ADK: variants seen among roughly 807,000 people sequenced by gnomAD.
ADK encodes the protein N6,N6-dimethyladenosine kinase.
A neutral mutation model predicts 44.7 loss-of-function variants in ADK; 24 were observed. The observed-to-expected ratio is 0.54, with a 90% CI of 0.39 to 0.76. The LOEUF (loss-of-function observed/expected upper bound fraction) is 0.76, where lower values mean the gene tolerates loss of function less well. Ranked by LOEUF, ADK falls within the 30% of genes least tolerant of loss-of-function variation. The pLI is 0.00. For synonymous variants in ADK, 128 were observed against 142.6 expected, an observed-to-expected ratio of 0.90 and a Z score of 0.73; for missense variants, 321 against 425.1, an observed-to-expected ratio of 0.76 and a Z score of 2.15.
At chr10:74,294,629 T>A (rs543221990) in intron 3 of ADK, among the ~76,000 whole-genome samples, 4 of 152,278 alleles carry the variant, frequency 2.6e-5, no homozygotes, top group Admixed American at 2.6e-4. Flanking sequence ...AGTTCCAGTT[T>A]TTCCACTGTT....
chr10:74,574,930 C>A (rs1173806781), intron 7 of ADK, among the ~76,000 whole-genome samples: 4 of 152,076 alleles, frequency 2.6e-5, no homozygotes, highest in African/African-American at 9.7e-5. Context: ...ATGTGTGAGG[C>A]AGTTTTAGGA....
At chr10:74,519,140 TA>T (rs1848711006) in intron 6 of ADK, among the ~76,000 whole-genome samples, 1 of 151,984 alleles carries the variant, frequency 6.6e-6, no homozygotes, top group African/African-American at 2.4e-5. Flanking sequence ...GTATTAGACA[TA>T]AAAATTATTA....
intron 1 of ADK, among the ~76,000 whole-genome samples, chr10:74,152,558 G>C (rs991607751): frequency 1.3e-5 from 2 of 152,110 alleles, no homozygotes; most frequent in Non-Finnish European, 1.5e-5. Flanking sequence ...GAAGACAGAT[G>C]CAACTTTTCC....
chr10:74,551,251 AAATT>A (rs1850026650), intron 7 of ADK: 1 of 152,208 alleles, frequency 6.6e-6, no homozygotes, highest in South Asian at 2.1e-4. Flanking sequence ...CCACACACCA[AAATT>A]AATTCTATAT....
chr10:74,201,676 GTATCTATCTATCTATC>G (rs58785624), intron 2 of ADK, among the ~76,000 whole-genome samples: 13,500 of 117,156 alleles, frequency 0.12, 849 homozygotes, highest in East Asian at 0.22. Context: ...ATGTATGTAT[GTATCTATCTATCTATC>G]TATCTATCTA....
chr10:74,234,230 G>A (rs1844881144), intron 3 of ADK, among the ~76,000 whole-genome samples: 1 of 152,114 alleles, frequency 6.6e-6, no homozygotes. Flanking sequence ...TTTCTTTTTG[G>A]AAAGTGTTGA....
intron 2 of ADK, among the ~76,000 whole-genome samples, chr10:74,212,703 T>C (rs1843864237): frequency 6.6e-6 from 1 of 152,344 alleles, no homozygotes; most frequent in Non-Finnish European, 1.5e-5. Context: ...GATGACATGG[T>C]TGGATTCATA....
At chr10:74,563,676 G>C (rs536746143) in intron 7 of ADK, among the ~76,000 whole-genome samples, 1 of 152,148 alleles carries the variant, frequency 6.6e-6, no homozygotes, top group East Asian at 1.9e-4. Flanking sequence ...CATGTACATT[G>C]TATAAATGCA....
At chr10:74,619,012 T>TTGTGTG (rs56168944) in intron 9 of ADK, among the ~76,000 whole-genome samples, 4,461 of 139,380 alleles carry the variant, frequency 0.032, 159 homozygotes, top group African/African-American at 0.084. Context: ...TTTATGCTCT[T>TTGTGTG]TGTGTGTGTG....
intron 6 of ADK, among the ~76,000 whole-genome samples, chr10:74,421,505 A>C (rs1176403682): frequency 1.3e-5 from 2 of 152,182 alleles, no homozygotes; most frequent in East Asian, 1.9e-4. Context: ...TTATAGATGC[A>C]TGTGTATATG....
intron 9 of ADK, chr10:74,655,738 T>A: frequency 4.1e-6 from 2 of 488,594 alleles, no homozygotes; most frequent in South Asian, 3.5e-5. Flanking sequence ...GAGGAATTGC[T>A]GTTCCTCCAG....
intron 2 of ADK, among the ~76,000 whole-genome samples, chr10:74,210,690 A>G (rs993767919): frequency 6.6e-6 from 1 of 152,222 alleles, no homozygotes; most frequent in African/African-American, 2.4e-5. Flanking sequence ...TTTAGTGCTG[A>G]TTATTCAGTG....
chr10:74,489,134 A>C (rs1847377199), intron 6 of ADK, among the ~76,000 whole-genome samples: 1 of 151,956 alleles, frequency 6.6e-6, no homozygotes, highest in Admixed American at 6.6e-5. Flanking sequence ...TGAGTAGTGA[A>C]GATGTTTTAC....
intron 1 of ADK, among the ~76,000 whole-genome samples, chr10:74,188,257 T>C (rs72816386): frequency 5.9e-5 from 9 of 152,078 alleles, no homozygotes; most frequent in African/African-American, 9.7e-5. Flanking sequence ...AATTTTTGGA[T>C]CAGTTTTGCT....
Position 74,208,989 on chromosome 10 carries a change from G to A in ADK, c.140+8151G>A, listed in dbSNP as rs1156441772. ...TGACCTCTGGTGATCTGCCCACCTC[G>A]GTCTCCCAAAGTGCTGGGATTACAG... On this transcript the variant is annotated intron_variant, in intron 2 of 10. Coordinates refer to ENST00000539909, the MANE Select transcript of ADK (RefSeq NM_006721.4). Among the ~76,000 whole-genome samples, 3 of 152,056 alleles carry A rather than the reference G, an allele frequency of 2.0e-5. No homozygotes were observed. In the East Asian group the frequency reaches 5.8e-4, roughly 29 times the overall value.
At position 74,514,729 on chromosome 10, in the gene ADK, AT is replaced by A. The variant is rs367939192; in HGVS notation, c.556-10520del. 2.5e-4 allele frequency among the ~76,000 whole-genome samples: 38 copies of A among 151,092 alleles called. 2 individuals are homozygous for A. Among genetic ancestry groups the A allele is most frequent in the African/African-American group, 8.8e-4 (36 of 41,104 alleles). The stretch of plus-strand genomic sequence containing the variant: ...GGATTTCTTTAAGATTATTATTTTG[AT>A]TTTTTTCCCACATTTCATATATTTC... On this transcript the variant is annotated intron_variant, in intron 6 of 10. Coordinates refer to ENST00000539909, the MANE Select transcript of ADK (RefSeq NM_006721.4).
chr10:74,496,453 T>G (rs1564754539), intron 6 of ADK, among the ~76,000 whole-genome samples: 1 of 152,238 alleles, frequency 6.6e-6, no homozygotes, highest in East Asian at 1.9e-4. Flanking sequence ...CTGCTTGCAT[T>G]CATTCTCTCT....
intron 7 of ADK, among the ~76,000 whole-genome samples, chr10:74,555,822 C>T (rs996840794): frequency 6.6e-6 from 1 of 152,066 alleles, no homozygotes; most frequent in Non-Finnish European, 1.5e-5. Flanking sequence ...TCAGAGATTT[C>T]CCCCCATGTA....
At position 74,589,262 on chromosome 10, in the gene ADK, C is replaced by CTT. The variant is rs112610475; in HGVS notation, c.727-9_727-8dup. ...ACCGAGCACTTTATAATTAACTGTT[C>CTT]TTTTTTTTTTTTATTTCAGGAAGCT... is the stretch of plus-strand genomic sequence containing the variant. On this transcript the variant is annotated intron_variant, in intron 7 of 10. Transcript: ENST00000539909. The CTT allele has an allele frequency of 2.3e-5, 29 of 1,285,898 alleles. No homozygotes were observed. The highest frequency in any genetic ancestry group is 4.4e-5 in the African/African-American group (3 of 67,880). 79.7% of individuals were successfully genotyped at this position (1,285,898 alleles called of 1,614,324 possible).
Sources: gnomAD v4.1 joint callset for allele counts (sites outside exome capture counted in the v4.1 genomes callset) on GRCh38, gnomAD v4.1.1 for gene constraint, MANE v1.5 for transcripts, NCBI Gene and HGNC (gene_info 2026-07-23, HGNC 2026-07-21) for gene names.